The following KAT6A variants were observed in gnomAD, a reference collection of about 807,000 sequenced individuals.
KAT6A encodes the protein lysine acetyltransferase 6A.
KAT6A carries 9 observed loss-of-function variants against 198.4 expected under a neutral mutation model. That is an observed-to-expected ratio of 0.05 (90% CI 0.03 to 0.08). KAT6A has a LOEUF of 0.08. Among genes scored for constraint, KAT6A ranks in the 10% least tolerant of loss-of-function variants. KAT6A has a pLI of 1.00. For missense variants in KAT6A, 2,077 were observed against 2,509.9 expected, an observed-to-expected ratio of 0.83 and a Z score of 3.69; for synonymous variants, 890 against 883.0, an observed-to-expected ratio of 1.01 and a Z score of -0.14.
chr8:42,019,954 T>A (rs944085155), intron 2 of KAT6A, among the ~76,000 whole-genome samples: 2 of 152,216 alleles, frequency 1.3e-5, no homozygotes, highest in African/African-American at 4.8e-5. Flanking sequence ...TATAATATAT[T>A]CTCAGGGGTA....
intron 2 of KAT6A, among the ~76,000 whole-genome samples, chr8:42,000,213 A>G (rs1464141990): frequency 6.6e-6 from 1 of 152,242 alleles, no homozygotes; most frequent in East Asian, 1.9e-4. Flanking sequence ...GTACTTGAGT[A>G]TAAGAGCATT....
chr8:42,002,379 G>A (rs765907044), intron 2 of KAT6A, among the ~76,000 whole-genome samples: 3 of 152,062 alleles, frequency 2.0e-5, no homozygotes, highest in African/African-American at 2.4e-5. Flanking sequence ...TGGCAAACAC[G>A]GCAAAACCCC....
intron 2 of KAT6A, among the ~76,000 whole-genome samples, chr8:42,022,019 T>G (rs1387836160): frequency 6.6e-6 from 1 of 152,212 alleles, no homozygotes; most frequent in Admixed American, 6.5e-5. Context: ...AATGTGTATT[T>G]TTCTCTTTTA....
At position 41,943,779 on chromosome 8, in the gene KAT6A, G is replaced by C; in HGVS notation, c.2197C>G (p.His733Asp). The C allele has an allele frequency of 6.2e-7, 1 of 1,613,580 alleles. No individual in the cohort carries two copies. Among genetic ancestry groups the C allele is most frequent in the Middle Eastern group, 1.7e-4 (1 of 6,060 alleles). Residue 733 changes from histidine to aspartate, a missense_variant, in exon 13 of 17, where the codon CAC becomes GAC. This residue lies in a region of KAT6A where 127 missense variants were observed against 209.6 expected (regional missense o/e 0.61). Coordinates refer to ENST00000265713, the MANE Select transcript of KAT6A (RefSeq NM_006766.5). ...CTACGGAAGTCCAGCATTCGTAGGT[G>C]GTGGAGTGTGGAAGTGATGTCTTGA... is the stretch of plus-strand genomic sequence containing the variant. The part of the protein sequence containing the change: ...CPQDITSTLH[H>D]LRMLDFRSDQ...
At chr8:41,984,810 C>T (rs1309911143) in intron 3 of KAT6A, among the ~76,000 whole-genome samples, 2 of 151,866 alleles carry the variant, frequency 1.3e-5, no homozygotes, top group Non-Finnish European at 2.9e-5. Context: ...GGTGAAACCC[C>T]ACCTCTACTA....
chr8:42,046,185 T>G (rs1802281534), intron 2 of KAT6A, among the ~76,000 whole-genome samples: 1 of 152,214 alleles, frequency 6.6e-6, no homozygotes, highest in Non-Finnish European at 1.5e-5. Context: ...CATTTTTATA[T>G]AGCTAATATT....
intron 2 of KAT6A, among the ~76,000 whole-genome samples, chr8:42,038,244 A>C (rs1166199984): frequency 6.6e-6 from 1 of 152,196 alleles, no homozygotes; most frequent in Non-Finnish European, 1.5e-5. Context: ...TTCCAGCATT[A>C]AGGTAGCTCA....
intron 15 of KAT6A, 67 bp from the exon 16 acceptor site, chr8:41,937,635 C>G: frequency 7.7e-7 from 1 of 1,305,582 alleles, no homozygotes; most frequent in Non-Finnish European, 1.1e-6. Context: ...AATACGAAAA[C>G]AGTTTTAAAA....
At chr8:41,939,133 G>A (rs1428258131) in intron 15 of KAT6A, among the ~76,000 whole-genome samples, 1 of 152,074 alleles carries the variant, frequency 6.6e-6, no homozygotes, top group East Asian at 1.9e-4. Context: ...TAAATGCTTG[G>A]ATAAATAAAC....
intron 2 of KAT6A, among the ~76,000 whole-genome samples, chr8:42,000,913 T>C (rs542104293): frequency 6.6e-6 from 1 of 152,318 alleles, no homozygotes; most frequent in Admixed American, 6.5e-5. Flanking sequence ...GTCAGGTAGA[T>C]ATTCTGACTC....
chr8:41,949,095 T>A (rs1039446050), intron 10 of KAT6A, 127 bp downstream of exon 10: 7 of 547,316 alleles, frequency 1.3e-5, no homozygotes, highest in Non-Finnish European at 2.0e-5. Flanking sequence ...TTTTAAAAAT[T>A]ATAATTAGTA....
chr8:42,027,127 T>C (rs1826856068), intron 2 of KAT6A, among the ~76,000 whole-genome samples: 2 of 152,226 alleles, frequency 1.3e-5, no homozygotes, highest in Non-Finnish European at 2.9e-5. Context: ...AAACCCCAAT[T>C]AATCATGGTG....
At position 41,980,966 on chromosome 8, in the gene KAT6A, T is replaced by TG. The variant is rs746444027; in HGVS notation, c.826-40dup. On this transcript the variant is annotated intron_variant, in intron 4 of 16. Coordinates refer to ENST00000265713, the MANE Select transcript of KAT6A (RefSeq NM_006766.5). ...GAAAGGACAGTTTTGCTTAACCTTA[T>TG]GAAGCAGAAACATGTTACGATCATG... The TG allele has an allele frequency of 3.7e-6, 5 of 1,362,314 alleles. No individual in the cohort carries two copies. In the East Asian group the frequency reaches 1.1e-4, roughly 31 times the overall value. 84.4% of individuals were successfully genotyped at this position (1,362,314 alleles called of 1,614,324 possible).
intron 6 of KAT6A, among the ~76,000 whole-genome samples, chr8:41,977,812 A>G (rs1371512560): frequency 4.8e-4 from 73 of 152,194 alleles, no homozygotes; most frequent in Non-Finnish European, 1.3e-4. Flanking sequence ...TTATAGGAAA[A>G]TCAAAGCTTG....
At chr8:41,981,008 A>G in intron 4 of KAT6A, 81 bp from the exon 5 acceptor site, 1 of 971,014 alleles carries the variant, frequency 1.0e-6, no homozygotes, top group South Asian at 1.3e-5. Context: ...TAAAACCTAG[A>G]AAGCTTCAGG....
intron 2 of KAT6A, among the ~76,000 whole-genome samples, chr8:41,989,523 AACGTAACGTGACGTG>A: frequency 6.9e-6 from 1 of 144,540 alleles, no homozygotes; most frequent in South Asian, 2.3e-4. Context: ...AAAATAACAT[AACGTAACGTGACGTG>A]ACGTGACGTG....
intron 8 of KAT6A, among the ~76,000 whole-genome samples, chr8:41,967,726 T>C (rs1424859942): frequency 1.3e-5 from 2 of 152,132 alleles, no homozygotes; most frequent in South Asian, 2.1e-4. Flanking sequence ...TTCCAAGTCT[T>C]TGCTATTGTG....
chr8:41,951,853 C>T (rs889420262), intron 9 of KAT6A, among the ~76,000 whole-genome samples: 2 of 152,124 alleles, frequency 1.3e-5, no homozygotes, highest in Admixed American at 1.3e-4. Context: ...TTACTTAAAT[C>T]TAAGATTATG....
At chr8:42,009,991 A>G (rs1326695242) in intron 2 of KAT6A, among the ~76,000 whole-genome samples, 1 of 149,546 alleles carries the variant, frequency 6.7e-6, no homozygotes, top group Non-Finnish European at 1.5e-5. Flanking sequence ...TACCCAACAG[A>G]AAAAAATAAA....
Sources: allele counts gnomAD v4.1 joint callset (sites outside exome capture counted in the v4.1 genomes callset), GRCh38; gene constraint gnomAD v4.1.1; regional missense constraint gnomAD v4.1.1; transcripts MANE v1.5; gene names NCBI Gene and HGNC (gene_info 2026-07-23, HGNC 2026-07-21).